Variants in ZYG11A observed in about 807,000 individuals in gnomAD.
ZYG11A encodes protein zyg-11 homolog A.
Under a neutral mutation model 77.2 loss-of-function variants are expected in ZYG11A, and 62 were observed. The observed-to-expected ratio is 0.80, with a 90% CI of 0.65 to 0.99. ZYG11A has a LOEUF of 0.99. Among genes scored for constraint, ZYG11A ranks in the 50% least tolerant of loss-of-function variants. The pLI is 0.00. For synonymous variants in ZYG11A, 315 were observed against 324.6 expected, an observed-to-expected ratio of 0.97 and a Z score of 0.32; for missense variants, 828 against 896.8, an observed-to-expected ratio of 0.92 and a Z score of 0.98.
chr1:52,843,550 C>T (rs1222330874), intron 1 of ZYG11A, among the ~76,000 whole-genome samples: 2 of 151,954 alleles, frequency 1.3e-5, no homozygotes, highest in Non-Finnish European at 2.9e-5. Context: ...TTCAGTTCCG[C>T]GCGTCCGCCC....
chr1:52,849,309 C>T (rs748322444), intron 1 of ZYG11A, among the ~76,000 whole-genome samples: 38 of 152,092 alleles, frequency 2.5e-4, no homozygotes, highest in Non-Finnish European at 5.0e-4. Context: ...ACCTTGTGAT[C>T]TGCCCACCTC....
chr1:52,881,312 G>A, intron 10 of ZYG11A, 159 bp from the exon 11 acceptor site: 1 of 543,796 alleles, frequency 1.8e-6, no homozygotes, highest in Non-Finnish European at 3.3e-6. Context: ...CATCAAGGGA[G>A]TTGGATTGTG....
intron 3 of ZYG11A, 143 bp from the exon 4 acceptor site, chr1:52,860,588 C>T (rs919331253): frequency 4.1e-5 from 37 of 899,502 alleles, no homozygotes; most frequent in African/African-American, 2.4e-4. Flanking sequence ...TGAGCCACTG[C>T]GCCTGGCCAA....
intron 1 of ZYG11A, among the ~76,000 whole-genome samples, chr1:52,850,934 T>C (rs1645697524): frequency 6.6e-6 from 1 of 152,248 alleles, no homozygotes; most frequent in Non-Finnish European, 1.5e-5. Context: ...GGGATTTGTT[T>C]CTATTGACTT....
chr1:52,860,665 TG>T, intron 3 of ZYG11A, 65 bp from the exon 4 acceptor site: 1 of 1,516,562 alleles, frequency 6.6e-7, no homozygotes, highest in East Asian at 2.5e-5. Flanking sequence ...AAAAACCCTG[TG>T]GTTAAAAATG....
At chr1:52,888,423 T>C (rs1646484893) in intron 13 of ZYG11A, among the ~76,000 whole-genome samples, 1 of 152,196 alleles carries the variant, frequency 6.6e-6, no homozygotes, top group Non-Finnish European at 1.5e-5. Flanking sequence ...AATGGTGCTA[T>C]CTTGGCTCAC....
intron 8 of ZYG11A, among the ~76,000 whole-genome samples, chr1:52,873,815 C>CT (rs1646212753): frequency 6.6e-6 from 1 of 151,978 alleles, no homozygotes; most frequent in Admixed American, 6.6e-5. Context: ...GGAACCCCAT[C>CT]TCTACTAAAA....
intron 13 of ZYG11A, among the ~76,000 whole-genome samples, chr1:52,889,563 A>G (rs1018722262): frequency 1.3e-5 from 2 of 151,590 alleles, no homozygotes; most frequent in Middle Eastern, 3.2e-3. Flanking sequence ...GATTACAGGC[A>G]TGAGCCACCA....
At chr1:52,844,882 T>A (rs2149981068) in intron 1 of ZYG11A, among the ~76,000 whole-genome samples, 1 of 152,276 alleles carries the variant, frequency 6.6e-6, no homozygotes, top group South Asian at 2.1e-4. Context: ...TAGTTTTCTT[T>A]ATTTTTTTGT....
intron 8 of ZYG11A, among the ~76,000 whole-genome samples, chr1:52,871,088 C>T (rs970190046): frequency 1.3e-5 from 2 of 152,138 alleles, no homozygotes; most frequent in Non-Finnish European, 2.9e-5. Flanking sequence ...ATCGATGGCA[C>T]ACCTGCAAAG....
chr1:52,881,624 A>G lies in ZYG11A; in HGVS notation c.1903A>G (p.Ile635Val), dbSNP rs1031923920. Residue 635 changes from isoleucine to valine, a missense_variant, in exon 11 of 14, where the codon ATA becomes GTA. Ile to Val is a conservative substitution (Grantham distance 29). Transcript: ENST00000371528. ...AHLTSDRQLWISRDFQRRTLL... is the reference protein window; with the variant it reads ...AHLTSDRQLWVSRDFQRRTLL... Reference sequence around the variant, plus strand: ...CCTGACATCTGACAGACAGCTTTGGATATCCCGTGACTTCCAGAGGCGTAC... The same window carrying G: ...CCTGACATCTGACAGACAGCTTTGGGTATCCCGTGACTTCCAGAGGCGTAC... 7.7e-6 allele frequency: 12 copies of G among 1,552,260 alleles called. No homozygotes were observed. Among genetic ancestry groups the G allele is most frequent in the Non-Finnish European group, 8.7e-6 (10 of 1,147,042 alleles).
chr1:52,865,643 G>A (rs1646011188), intron 5 of ZYG11A, among the ~76,000 whole-genome samples: 1 of 152,112 alleles, frequency 6.6e-6, no homozygotes, highest in African/African-American at 2.4e-5. Flanking sequence ...CAGAGATGAA[G>A]TACTGATATC....
chr1:52,882,518 A>G (rs1460612706), intron 11 of ZYG11A, among the ~76,000 whole-genome samples: 1 of 151,940 alleles, frequency 6.6e-6, no homozygotes, highest in Non-Finnish European at 1.5e-5. Flanking sequence ...GCCTCCCTGT[A>G]TCTTGGTTTA....
intron 3 of ZYG11A, among the ~76,000 whole-genome samples, chr1:52,858,364 C>T (rs1430540865): frequency 1.3e-5 from 2 of 150,142 alleles, no homozygotes; most frequent in East Asian, 2.1e-4. Context: ...TGGCCAAAAG[C>T]GAAACGCAGT....
intron 2 of ZYG11A, among the ~76,000 whole-genome samples, chr1:52,855,013 C>T (rs181425245): frequency 6.6e-6 from 1 of 152,136 alleles, no homozygotes; most frequent in African/African-American, 2.4e-5. Flanking sequence ...TACAGGCGCC[C>T]ACCACACCTG....
chr1:52,892,344 G>A (rs372706315), intron 13 of ZYG11A, among the ~76,000 whole-genome samples: 9 of 149,514 alleles, frequency 6.0e-5, no homozygotes, highest in Non-Finnish European at 1.0e-4. Flanking sequence ...TGGCTAACAC[G>A]GTGAAACTCC....
intron 2 of ZYG11A, among the ~76,000 whole-genome samples, chr1:52,854,907 G>A (rs527492716): frequency 3.3e-5 from 5 of 150,440 alleles, no homozygotes; most frequent in East Asian, 3.9e-4. Context: ...CACCCTTGTC[G>A]CCAAGGCTGG....
intron 13 of ZYG11A, among the ~76,000 whole-genome samples, chr1:52,888,667 T>G (rs1646488165): frequency 6.6e-6 from 1 of 152,136 alleles, no homozygotes; most frequent in Non-Finnish European, 1.5e-5. Context: ...CAGAAAAATG[T>G]TTTTTATGGG....
At chr1:52,872,347 A>T (rs1023899061) in intron 8 of ZYG11A, among the ~76,000 whole-genome samples, 3 of 151,566 alleles carry the variant, frequency 2.0e-5, no homozygotes, top group African/African-American at 7.3e-5. Context: ...CAGGTAATCC[A>T]CCCTCCTTGG....
Sources: gnomAD v4.1 joint callset for allele counts (sites outside exome capture counted in the v4.1 genomes callset) on GRCh38, gnomAD v4.1.1 for gene constraint, MANE v1.5 for transcripts, NCBI Gene and HGNC (gene_info 2026-07-23, HGNC 2026-07-21) for gene names.